The following CLUL1 variants were observed in gnomAD, a reference collection of about 807,000 sequenced individuals.
The protein encoded by CLUL1 is clusterin like 1.
A neutral mutation model predicts 49.4 loss-of-function variants in CLUL1; 43 were observed. The observed-to-expected ratio is 0.87, with a 90% confidence interval of 0.68 to 1.12. CLUL1 has a LOEUF of 1.12. CLUL1 is among the 50% of genes most tolerant of loss of function. CLUL1 has a pLI of 0.00. For synonymous variants in CLUL1, 192 were observed against 184.9 expected, an observed-to-expected ratio of 1.04 and a Z score of -0.31; for missense variants, 486 against 544.4, an observed-to-expected ratio of 0.89 and a Z score of 1.07.
chr18:641,643 T>C (rs2074348615), intron 8 of CLUL1, 102 bp downstream of exon 8: 1 of 961,330 alleles, frequency 1.0e-6, no homozygotes, highest in Admixed American at 2.2e-5. Context: ...AAACAAGCTG[T>C]AGGAGGTATT....
At chr18:615,576 C>A (rs2073263204) in intron 2 of CLUL1, among the ~76,000 whole-genome samples, 1 of 152,144 alleles carries the variant, frequency 6.6e-6, no homozygotes, top group African/African-American at 2.4e-5. Flanking sequence ...TTCCTATGAC[C>A]AACTTTTCCA....
Position 641,228 on chromosome 18 carries a change from G to T in CLUL1, c.995-99G>T, listed in dbSNP as rs562790497. 8.6e-6 allele frequency: 8 copies of T among 928,182 alleles called. No homozygotes were observed. The South Asian group carries it at 1.3e-4, about 15-fold the overall frequency. 57.5% of individuals were successfully genotyped at this position (928,182 alleles called of 1,614,324 possible). A position where few individuals can be genotyped will look rare whatever the true frequency, so the allele number is the denominator to read the frequency against. On this transcript the variant is annotated intron_variant, in intron 7 of 9. Coordinates refer to ENST00000692774, the MANE Select transcript of CLUL1 (RefSeq NM_001393344.1). ...ACTAAAAACTACCACAGGCAAAAGG[G>T]GAAAATAGAGAATGTAAGGGCTGGG...
At chr18:647,313 C>A (rs949847933) in intron 9 of CLUL1, among the ~76,000 whole-genome samples, 6 of 152,156 alleles carry the variant, frequency 3.9e-5, no homozygotes, top group Non-Finnish European at 7.3e-5. Flanking sequence ...CACTGTGGGG[C>A]CTTTGAGTTT....
chr18:639,034 C>G (rs2074246138), intron 7 of CLUL1, among the ~76,000 whole-genome samples: 1 of 152,144 alleles, frequency 6.6e-6, no homozygotes. Context: ...ATATCATGTG[C>G]CTATATACAT....
intron 9 of CLUL1, among the ~76,000 whole-genome samples, chr18:646,760 T>C (rs946041280): frequency 6.6e-6 from 1 of 151,680 alleles, no homozygotes; most frequent in African/African-American, 2.4e-5. Context: ...TTCTTTCTTT[T>C]TTTTTTTGAG....
intron 5 of CLUL1, among the ~76,000 whole-genome samples, chr18:625,561 C>CACA (rs2073661216): frequency 8.0e-6 from 1 of 124,684 alleles, no homozygotes; most frequent in Non-Finnish European, 1.7e-5. Flanking sequence ...ACACACACAC[C>CACA]CCTTCATGTC....
At chr18:647,790 C>A (rs1410839567) in intron 9 of CLUL1, among the ~76,000 whole-genome samples, 1 of 151,956 alleles carries the variant, frequency 6.6e-6, no homozygotes, top group Admixed American at 6.6e-5. Context: ...GGCAACATAC[C>A]CTCTCTCCCC....
intron 2 of CLUL1, among the ~76,000 whole-genome samples, chr18:609,686 T>C (rs1158606813): frequency 6.6e-6 from 1 of 151,994 alleles, no homozygotes; most frequent in Admixed American, 6.6e-5. Flanking sequence ...TAGCCTGGCA[T>C]GTTGGTGCAT....
chr18:649,890 T>C lies in CLUL1; in HGVS notation c.1398-8T>C. 1 of 1,408,860 alleles carries C rather than the reference T, an allele frequency of 7.1e-7. No homozygotes were observed. 87.3% of individuals were successfully genotyped at this position (1,408,860 alleles called of 1,614,324 possible). Reference sequence around the variant, plus strand: ...TTGATCATTGCTGCCTTTTTTTTTTTTTTTAAGGTAAGAAGATCTAATGCA... The same window carrying C: ...TTGATCATTGCTGCCTTTTTTTTTTCTTTTAAGGTAAGAAGATCTAATGCA... On this transcript the variant is annotated splice_polypyrimidine_tract_variant and splice_region_variant and intron_variant, in intron 9 of 9. Transcript: ENST00000692774.
At chr18:610,098 T>C (rs565524609) in intron 2 of CLUL1, among the ~76,000 whole-genome samples, 4 of 152,288 alleles carry the variant, frequency 2.6e-5, no homozygotes, top group African/African-American at 4.8e-5. Context: ...CAAATACTTA[T>C]GGTATTTTAC....
At chr18:628,469 A>G (rs970867036) in intron 6 of CLUL1, among the ~76,000 whole-genome samples, 4 of 152,210 alleles carry the variant, frequency 2.6e-5, no homozygotes, top group Admixed American at 6.5e-5. Context: ...GTGGGCTTCT[A>G]TGGAGTAAGT....
In CLUL1 at chr18:618,123, A is replaced by G; in HGVS notation, c.106+17A>G. 1.9e-6 allele frequency: 3 copies of G among 1,584,410 alleles called. No homozygotes were observed. The highest frequency in any genetic ancestry group is 2.6e-6 in the Non-Finnish European group (3 of 1,153,204). On this transcript the variant is annotated intron_variant, in intron 3 of 9. Coordinates refer to ENST00000692774, the MANE Select transcript of CLUL1 (RefSeq NM_001393344.1). This position sits in a 1 kb window ranked among gnomAD's most constrained non-coding sequence, Gnocchi z 4.2. ...ACCTGAAGAGTACGTTTGGTTTCTT[A>G]TCTGTGCTGTGTCCTGTTTGCATGT...
chr18:627,021 AAG>A (rs375600997), intron 5 of CLUL1, 74 bp from the exon 6 acceptor site: 24,637 of 402,634 alleles, frequency 0.061, 11,626 homozygotes, highest in African/African-American at 0.18. Context: ...GAAAGAAAGA[AAG>A]AAAGAAAAGA....
chr18:609,716 C>T lies in CLUL1; in HGVS notation c.-14+2617C>T, dbSNP rs192310504. Reference sequence around the variant, plus strand: ...GTGCATGCTTGTAATCCCAGCTACTCGGGAGGCCGAGGCAGGAGAATCTCT... The same window carrying T: ...GTGCATGCTTGTAATCCCAGCTACTTGGGAGGCCGAGGCAGGAGAATCTCT... On this transcript the variant is annotated intron_variant, in intron 2 of 9. Coordinates refer to ENST00000692774, the MANE Select transcript of CLUL1 (RefSeq NM_001393344.1). 1.6e-3 allele frequency among the ~76,000 whole-genome samples: 246 copies of T among 151,208 alleles called. 2 individuals are homozygous for T. Among genetic ancestry groups the T allele is most frequent in the African/African-American group, 5.6e-3 (232 of 41,194 alleles).
At chr18:636,082 C>T (rs888152147) in intron 7 of CLUL1, among the ~76,000 whole-genome samples, 1 of 152,126 alleles carries the variant, frequency 6.6e-6, no homozygotes, top group Non-Finnish European at 1.5e-5. Flanking sequence ...AACATATTGG[C>T]TTTTAAAGTA....
intron 1 of CLUL1, among the ~76,000 whole-genome samples, chr18:604,984 T>C (rs1206406965): frequency 6.6e-6 from 1 of 152,164 alleles, no homozygotes; most frequent in Non-Finnish European, 1.5e-5. Context: ...CCTGTGCACG[T>C]TCCCTTATCT....
At position 645,113 on chromosome 18, in the gene CLUL1, G is replaced by A. The variant is rs1329755189; in HGVS notation, c.1397+16G>A. On this transcript the variant is annotated intron_variant, in intron 9 of 9. Coordinates refer to ENST00000692774, the MANE Select transcript of CLUL1 (RefSeq NM_001393344.1). ...TTAAAACCTGGTAAGCAGAGTGCCT[G>A]GTTAGGAATGCCTTGTTGACAGGAA... 1.3e-6 allele frequency: 2 copies of A among 1,553,310 alleles called. No homozygotes were observed. The highest frequency in any genetic ancestry group is 8.7e-7 in the Non-Finnish European group (1 of 1,150,814).
At chr18:645,756 T>G (rs572845909) in intron 9 of CLUL1, among the ~76,000 whole-genome samples, 1 of 119,988 alleles carries the variant, frequency 8.3e-6, no homozygotes, top group Admixed American at 1.1e-4. Flanking sequence ...ATCGCGCCAC[T>G]GCACTCCAGC....
In CLUL1 at chr18:644,989, C is replaced by G. The variant is rs2074433352; in HGVS notation, c.1289C>G (p.Ser430Cys). 6.2e-7 allele frequency: 1 copy of G among 1,613,838 alleles called. No homozygotes were observed. The highest frequency in any genetic ancestry group is 8.5e-7 in the Non-Finnish European group (1 of 1,179,808). ...ACAGACTTAAGCATTCTGCCTTCCT[C>G]TAATTTCACACTCAAGATCCCTCTT... ...MMTDLSILPS[S>C]NFTLKIPLEE... The change falls in exon 9 of 10, where the codon TCT (serine) becomes TGT (cysteine). Residue 430 changes from serine to cysteine, a missense_variant. Coordinates refer to ENST00000692774, the MANE Select transcript of CLUL1 (RefSeq NM_001393344.1).
Sources: allele counts gnomAD v4.1 joint callset (sites outside exome capture counted in the v4.1 genomes callset), GRCh38; gene constraint gnomAD v4.1.1; non-coding constraint Gnocchi (gnomAD v3.1); transcripts MANE v1.5; gene names NCBI Gene and HGNC (gene_info 2026-07-23, HGNC 2026-07-21).